NALF1: variants seen among roughly 807,000 people sequenced by gnomAD.
NALF1 encodes the protein family with sequence similarity 155 member A.
Under a neutral mutation model 48.4 loss-of-function variants are expected in NALF1, and 3 were observed. The ratio of observed to expected loss-of-function variants is 0.06; its 90% CI spans 0.03 to 0.16. The LOEUF (loss-of-function observed/expected upper bound fraction) is 0.16, where lower values mean the gene tolerates loss of function less well. Among genes scored for constraint, NALF1 ranks in the 10% least tolerant of loss-of-function variants. NALF1 has a pLI of 1.00. For synonymous variants in NALF1, 262 were observed against 245.7 expected, an observed-to-expected ratio of 1.07 and a Z score of -0.62; for missense variants, 526 against 571.5, an observed-to-expected ratio of 0.92 and a Z score of 0.81.
Position 107,866,811 on chromosome 13 carries a change from C to A in NALF1, c.-215G>T. On this transcript the variant is annotated 5_prime_UTR_variant, in exon 1 of 3. It removes an upstream start codon present in the reference 5' UTR. Coordinates refer to ENST00000375915, the MANE Select transcript of NALF1 (RefSeq NM_001080396.3). This position sits in a 1 kb window ranked among gnomAD's most constrained non-coding sequence, Gnocchi z 4.4. ...TATCTCTCTCTGTCTCTTTTGCCTACATAAATATTACCAGGCTTTGAAGGA... is the reference window on the plus strand; with the variant it reads ...TATCTCTCTCTGTCTCTTTTGCCTAAATAAATATTACCAGGCTTTGAAGGA... 1.7e-6 allele frequency: 1 copy of A among 575,172 alleles called. No individual in the cohort carries two copies. Among genetic ancestry groups the A allele is most frequent in the Non-Finnish European group, 3.1e-6 (1 of 327,128 alleles). The allele number at this position is 575,172 out of a possible 1,614,324, so 35.6% of individuals were successfully genotyped here. A position where few individuals can be genotyped will look rare whatever the true frequency, so the allele number is the denominator to read the frequency against.
At chr13:107,656,766 TATCA>T (rs1346825544) in intron 1 of NALF1, among the ~76,000 whole-genome samples, 3 of 152,126 alleles carry the variant, frequency 2.0e-5, no homozygotes, top group Non-Finnish European at 2.9e-5. Flanking sequence ...CCCAAATGTC[TATCA>T]ATCAATGAGT....
chr13:107,685,211 G>T (rs1297424306), intron 1 of NALF1, among the ~76,000 whole-genome samples: 8 of 152,152 alleles, frequency 5.3e-5, no homozygotes, highest in South Asian at 4.1e-4. Flanking sequence ...CTACTCAGGA[G>T]GCTGAGGCAG....
chr13:107,369,566 T>C (rs142146805), intron 1 of NALF1, among the ~76,000 whole-genome samples: 144 of 152,262 alleles, frequency 9.5e-4, no homozygotes, highest in African/African-American at 3.3e-3. Flanking sequence ...AAATTAAAGA[T>C]TTAAAACCTA....
At chr13:107,748,517 C>T (rs994725923) in intron 1 of NALF1, among the ~76,000 whole-genome samples, 1 of 152,120 alleles carries the variant, frequency 6.6e-6, no homozygotes, top group African/African-American at 2.4e-5. Flanking sequence ...TATTAAATTC[C>T]ATGTGTGCCT....
chr13:107,470,827 T>C (rs938755732), intron 1 of NALF1, among the ~76,000 whole-genome samples: 2 of 152,144 alleles, frequency 1.3e-5, no homozygotes, highest in African/African-American at 2.4e-5. Flanking sequence ...TGTATACTTA[T>C]GTATACACAC....
At chr13:107,197,067 G>T (rs1879406579) in intron 2 of NALF1, among the ~76,000 whole-genome samples, 1 of 152,132 alleles carries the variant, frequency 6.6e-6, no homozygotes, top group Non-Finnish European at 1.5e-5. Context: ...AGAACCTGTG[G>T]CTTTGTAAGA....
chr13:107,687,517 C>CACAT (rs931881709), intron 1 of NALF1, among the ~76,000 whole-genome samples: 2 of 149,428 alleles, frequency 1.3e-5, no homozygotes, highest in African/African-American at 2.5e-5. Flanking sequence ...CACACACACA[C>CACAT]ACATCACCTG....
chr13:107,388,853 T>C (rs1239897969), intron 1 of NALF1, among the ~76,000 whole-genome samples: 1 of 151,510 alleles, frequency 6.6e-6, no homozygotes, highest in Non-Finnish European at 1.5e-5. Context: ...AAAAAAAAAA[T>C]CTCAAGAATT....
chr13:107,638,306 A>T (rs1161842218), intron 1 of NALF1, among the ~76,000 whole-genome samples: 1 of 150,948 alleles, frequency 6.6e-6, no homozygotes, highest in Non-Finnish European at 1.5e-5. Flanking sequence ...GGAGTAGATT[A>T]TTTTTTTGTT....
At chr13:107,800,098 T>TA (rs1256619408) in intron 1 of NALF1, among the ~76,000 whole-genome samples, 3 of 152,120 alleles carry the variant, frequency 2.0e-5, no homozygotes, top group African/African-American at 7.2e-5. Flanking sequence ...TTAAGGAGCA[T>TA]GTAGTTGATA....
intron 1 of NALF1, among the ~76,000 whole-genome samples, chr13:107,415,479 G>A (rs989111651): frequency 1.3e-5 from 2 of 151,626 alleles, no homozygotes; most frequent in Middle Eastern, 3.2e-3. Flanking sequence ...GATTAGTAGT[G>A]GGTGAAAACT....
intron 1 of NALF1, among the ~76,000 whole-genome samples, chr13:107,244,175 T>C (rs965983691): frequency 6.6e-6 from 1 of 152,234 alleles, no homozygotes; most frequent in African/African-American, 2.4e-5. Flanking sequence ...CTCTGTGCAA[T>C]GACATTGCAA....
intron 1 of NALF1, among the ~76,000 whole-genome samples, chr13:107,291,980 T>TGTTAAGCAATGCA (rs1318235761): frequency 6.6e-6 from 1 of 152,212 alleles, no homozygotes; most frequent in African/African-American, 2.4e-5. Flanking sequence ...CCTGCTCCTA[T>TGTTAAGCAATGCA]TGATACACAG....
At chr13:107,263,048 G>A (rs1250792154) in intron 1 of NALF1, among the ~76,000 whole-genome samples, 1 of 152,080 alleles carries the variant, frequency 6.6e-6, no homozygotes, top group East Asian at 1.9e-4. Flanking sequence ...GAAGAGTTGA[G>A]GGGTTTTGGT....
intron 1 of NALF1, among the ~76,000 whole-genome samples, chr13:107,714,873 G>A (rs1875705111): frequency 6.6e-6 from 1 of 152,034 alleles, no homozygotes; most frequent in Non-Finnish European, 1.5e-5. Context: ...AAATTAACCA[G>A]GTTATACCAT....
chr13:107,220,598 G>A (rs1457846833), intron 1 of NALF1, among the ~76,000 whole-genome samples: 2 of 152,170 alleles, frequency 1.3e-5, no homozygotes, highest in Non-Finnish European at 2.9e-5. Context: ...ACAGTAGATA[G>A]GTGCCTTGGG....
chr13:107,474,635 G>T lies in NALF1; in HGVS notation c.916-263880C>A, dbSNP rs114383927. ...AGAATGTTAAATGTAGGTGTTTATT[G>T]TGTTATTCAATCAATGTATCTGCAG... On this transcript the variant is annotated intron_variant, in intron 1 of 2. Coordinates refer to ENST00000375915, the MANE Select transcript of NALF1 (RefSeq NM_001080396.3). 6.2e-3 allele frequency among the ~76,000 whole-genome samples: 937 copies of T among 152,264 alleles called. 10 individuals are homozygous for T. Among genetic ancestry groups the T allele is most frequent in the African/African-American group, 0.021 (873 of 41,546 alleles).
chr13:107,572,972 T>A (rs928230556), intron 1 of NALF1, among the ~76,000 whole-genome samples: 5 of 152,120 alleles, frequency 3.3e-5, no homozygotes, highest in Non-Finnish European at 7.4e-5. Flanking sequence ...AGACCCCATC[T>A]CCTGGTACTT....
chr13:107,611,198 C>A (rs1594159535), intron 1 of NALF1, among the ~76,000 whole-genome samples: 1 of 152,188 alleles, frequency 6.6e-6, no homozygotes, highest in East Asian at 1.9e-4. Context: ...TAAGGGAAAA[C>A]AAGGAAAGGC....
Sources: gnomAD v4.1 joint callset for allele counts (sites outside exome capture counted in the v4.1 genomes callset) on GRCh38, gnomAD v4.1.1 for gene constraint, Gnocchi (gnomAD v3.1) non-coding constraint, MANE v1.5 for transcripts, NCBI Gene and HGNC (gene_info 2026-07-23, HGNC 2026-07-21) for gene names.